Variants in HERC5 observed in about 807,000 individuals in gnomAD.
HERC5 encodes the protein HECT and RLD domain containing E3 ubiquitin protein ligase 5.
Under a neutral mutation model 119.6 loss-of-function variants are expected in HERC5, and 99 were observed. The observed-to-expected ratio is 0.83, with a 90% CI of 0.70 to 0.98. HERC5 has a LOEUF of 0.98. HERC5 is among the 50% of genes least tolerant of loss of function. The pLI, the probability that HERC5 is intolerant of heterozygous loss-of-function variation, is 0.00. For missense variants in HERC5, 1,267 were observed against 1,241.3 expected (o/e 1.02, Z -0.31); for synonymous variants, 478 against 445.9 (o/e 1.07, Z -0.91).
intron 18 of HERC5, among the ~76,000 whole-genome samples, chr4:88,496,170 A>G (rs1035472773): frequency 1.3e-5 from 2 of 152,208 alleles, no homozygotes; most frequent in African/African-American, 4.8e-5. Flanking sequence ...TTTTGACCTC[A>G]TGAACTCTGT....
intron 18 of HERC5, among the ~76,000 whole-genome samples, chr4:88,495,937 A>G (rs1313234870): frequency 6.6e-6 from 1 of 152,176 alleles, no homozygotes; most frequent in Non-Finnish European, 1.5e-5. Context: ...AGGTCTTAAG[A>G]TTCTCTTAAA....
chr4:88,500,087 A>G (rs996914159), intron 19 of HERC5, 95 bp downstream of exon 19: 1 of 760,832 alleles, frequency 1.3e-6, no homozygotes, highest in Non-Finnish European at 2.2e-6. Context: ...TAAAAAAAAA[A>G]CCTGAATAAA....
chr4:88,504,380 G>T lies in HERC5; in HGVS notation c.2731G>T (p.Gly911Ter). Reference sequence around the variant, plus strand: ...CGAAGAACTGAAGGATGTGATTGTTGGAAATACAGATTATGATTGGAAAAC... The same window carrying T: ...CGAAGAACTGAAGGATGTGATTGTTTGAAATACAGATTATGATTGGAAAAC... ...HPEELKDVIV[G>*]NTDYDWKTFE... Residue 911 changes from glycine to a stop codon, truncating the protein, a stop_gained, in exon 21 of 23, where the codon GGA becomes TGA. Coordinates refer to ENST00000264350, the MANE Select transcript of HERC5 (RefSeq NM_016323.4). LOFTEE classifies it high-confidence loss of function. 6.2e-7 allele frequency: 1 copy of T among 1,607,990 alleles called. No individual in the cohort carries two copies. The highest frequency in any genetic ancestry group is 1.1e-5 in the South Asian group (1 of 90,334).
intron 1 of HERC5, chr4:88,457,756 C>A: frequency 1.5e-6 from 1 of 646,160 alleles, no homozygotes; most frequent in Non-Finnish European, 2.2e-6. Context: ...CCAGCGGATC[C>A]TCCGCTCAGC....
At chr4:88,494,945 G>T (rs1741756395) in intron 18 of HERC5, among the ~76,000 whole-genome samples, 1 of 152,200 alleles carries the variant, frequency 6.6e-6, no homozygotes, top group African/African-American at 2.4e-5. Flanking sequence ...TATAGTATTA[G>T]CAAGGGCTTG....
chr4:88,501,401 T>C (rs1480130437), intron 20 of HERC5, among the ~76,000 whole-genome samples: 1 of 152,238 alleles, frequency 6.6e-6, no homozygotes, highest in East Asian at 1.9e-4. Flanking sequence ...TAGAGTAGTC[T>C]ACAGTGGTGC....
intron 16 of HERC5, 101 bp from the exon 17 acceptor site, chr4:88,492,911 G>T: frequency 9.0e-7 from 1 of 1,114,464 alleles, no homozygotes; most frequent in East Asian, 2.4e-5. Flanking sequence ...CAAATACTTG[G>T]GTCCACAATT....
Position 88,504,329 on chromosome 4 carries a change from G to A in HERC5, c.2680G>A (p.Glu894Lys), listed in dbSNP as rs1207210112. 4.3e-6 allele frequency: 7 copies of A among 1,612,982 alleles called. No homozygotes were observed. The highest frequency in any genetic ancestry group is 4.2e-6 in the Non-Finnish European group (5 of 1,179,210). The change falls in exon 21 of 23, where the codon GAA (glutamate) becomes AAA (lysine). Residue 894 changes from glutamate (E) to lysine (K), a missense_variant. Physicochemically the swap from Glu to Lys is moderately conservative, Grantham distance 56 (BLOSUM62 1). Around this residue, in one of 3 missense-constraint regions of HERC5, gnomAD observed 473 missense variants for 445.7 expected, o/e 1.06. Transcript: ENST00000264350. Reference protein sequence around the residue: ...FRRGFYKMCDEDIIKLFHPEE... With the variant: ...FRRGFYKMCDKDIIKLFHPEE... ...GAGAGGATTTTATAAAATGTGCGACGAAGACATTATCAAATTATTCCACCC... is the reference window on the plus strand; with the variant it reads ...GAGAGGATTTTATAAAATGTGCGACAAAGACATTATCAAATTATTCCACCC...
At chr4:88,480,958 ATTTTTTGACAAACACATTCTTAAT>A (rs1470247960) in intron 13 of HERC5, among the ~76,000 whole-genome samples, 1 of 151,928 alleles carries the variant, frequency 6.6e-6, no homozygotes, top group Non-Finnish European at 1.5e-5. Context: ...GCTTTATGGT[ATTTTTTGACAAACACATTCTTAAT>A]TTTATTGTAG....
At chr4:88,466,907 T>C (rs1740687199) in intron 6 of HERC5, 152 bp from the exon 7 acceptor site, 1 of 774,102 alleles carries the variant, frequency 1.3e-6, no homozygotes, top group Non-Finnish European at 2.1e-6. Flanking sequence ...AGGTACATGT[T>C]GATTTCTTGG....
intron 1 of HERC5, among the ~76,000 whole-genome samples, chr4:88,458,397 G>T (rs1049714133): frequency 1.4e-5 from 2 of 145,726 alleles, no homozygotes; most frequent in African/African-American, 5.0e-5. Context: ...TAATTTTAAG[G>T]TTTTTTTTTT....
chr4:88,489,068 A>G, intron 15 of HERC5, 98 bp from the exon 16 acceptor site: 1 of 885,080 alleles, frequency 1.1e-6, no homozygotes, highest in Non-Finnish European at 1.8e-6. Context: ...TGTGACCTGC[A>G]CTTATAAGCA....
intron 13 of HERC5, among the ~76,000 whole-genome samples, chr4:88,484,185 C>T (rs1364315015): frequency 2.6e-5 from 4 of 151,958 alleles, no homozygotes; most frequent in Admixed American, 2.6e-4. Flanking sequence ...AATTTAGTTT[C>T]TTGCTCATTA....
intron 18 of HERC5, among the ~76,000 whole-genome samples, chr4:88,496,933 A>G (rs756251623): frequency 1.1e-4 from 16 of 152,140 alleles, no homozygotes; most frequent in African/African-American, 3.1e-4. Flanking sequence ...TCATTCCCCT[A>G]TGAAAGAGGC....
intron 16 of HERC5, among the ~76,000 whole-genome samples, chr4:88,489,698 T>C (rs183732346): frequency 6.9e-4 from 105 of 152,200 alleles, no homozygotes; most frequent in Non-Finnish European, 8.2e-4. Flanking sequence ...TAAGGGGTTG[T>C]TTTTGTTCTT....
At chr4:88,476,160 T>C in intron 12 of HERC5, 130 bp downstream of exon 12, 1 of 654,362 alleles carries the variant, frequency 1.5e-6, no homozygotes, top group Non-Finnish European at 2.5e-6. Context: ...TAGCATACTC[T>C]AAAGGTACTA....
intron 14 of HERC5, 38 bp from the exon 15 acceptor site, chr4:88,487,031 C>CT (rs1249634043): frequency 7.0e-7 from 1 of 1,428,132 alleles, no homozygotes; most frequent in Non-Finnish European, 9.8e-7. Flanking sequence ...TTTCTCTGTC[C>CT]TTTAACTTAT....
intron 7 of HERC5, among the ~76,000 whole-genome samples, 182 bp downstream of exon 7, chr4:88,467,386 T>G (rs1740708606): frequency 6.6e-6 from 1 of 152,220 alleles, no homozygotes; most frequent in Non-Finnish European, 1.5e-5. Context: ...GCAAAATAAT[T>G]ATTCTATATT....
Position 88,459,403 on chromosome 4 carries a change from C to T in HERC5, c.322C>T (p.His108Tyr). Residue 108 changes from histidine (H) to tyrosine (Y), a missense_variant, in exon 2 of 23, where the codon CAC (histidine) becomes TAC (tyrosine). Coordinates refer to ENST00000264350, the MANE Select transcript of HERC5 (RefSeq NM_016323.4). ...ACATTCCGTGGACCAAGGAGCAGAG[C>T]ACATGCTGATTCTCTCATCAGATGG... Reference protein sequence around the residue: ...KIHSVDQGAEHMLILSSDGKP... With the variant: ...KIHSVDQGAEYMLILSSDGKP... 1.3e-6 allele frequency: 2 copies of T among 1,597,612 alleles called. No individual in the cohort carries two copies. The highest frequency in any genetic ancestry group is 1.7e-6 in the Non-Finnish European group (2 of 1,171,574).
Sources: allele counts gnomAD v4.1 joint callset (sites outside exome capture counted in the v4.1 genomes callset), GRCh38; gene constraint gnomAD v4.1.1; regional missense constraint gnomAD v4.1.1; transcripts MANE v1.5; gene names NCBI Gene and HGNC (gene_info 2026-07-23, HGNC 2026-07-21).